NALCN: variants seen among roughly 807,000 people sequenced by gnomAD.
The protein encoded by NALCN is sodium leak channel, non-selective.
NALCN carries 111 observed loss-of-function variants against 225.3 expected under a neutral mutation model. That is an observed-to-expected ratio of 0.49 (90% CI 0.42 to 0.58). The LOEUF is 0.58. Among genes scored for constraint, NALCN ranks in the 20% least tolerant of loss-of-function variants. NALCN has a pLI of 0.00. For synonymous variants in NALCN, 764 were observed against 769.0 expected, an observed-to-expected ratio of 0.99 and a Z score of 0.11; for missense variants, 1,378 against 2,202.4, an observed-to-expected ratio of 0.63 and a Z score of 7.49.
intron 15 of NALCN, among the ~76,000 whole-genome samples, chr13:101,156,136 G>T (rs761760024): frequency 6.6e-6 from 1 of 152,110 alleles, no homozygotes; most frequent in Non-Finnish European, 1.5e-5. Context: ...GGCACTTTCA[G>T]TCGGCTTCTC....
intron 11 of NALCN, among the ~76,000 whole-genome samples, chr13:101,257,833 ATAAAAAT>A (rs905476014): frequency 1.3e-5 from 2 of 152,228 alleles, no homozygotes; most frequent in Non-Finnish European, 2.9e-5. Flanking sequence ...ATTGAAAGAA[ATAAAAAT>A]TAAAATATTT....
At chr13:101,144,419 T>C (rs1430744893) in intron 16 of NALCN, among the ~76,000 whole-genome samples, 1 of 152,190 alleles carries the variant, frequency 6.6e-6, no homozygotes, top group African/African-American at 2.4e-5. Context: ...GGGTCTGAGA[T>C]TGATGTCTAC....
rs563504539 is a variant in NALCN, at chr13:101,148,684, G to A, written c.1840-3788C>T. Among the ~76,000 whole-genome samples, 20 of 152,184 alleles carry A rather than the reference G, an allele frequency of 1.3e-4. 1 individual carries two copies. Among genetic ancestry groups the A allele is most frequent in the Non-Finnish European group, 2.4e-4 (16 of 68,038 alleles). The stretch of plus-strand genomic sequence containing the variant: ...CTCATTATTCCACGGGCAGTGGCTG[G>A]CATGGCACTGGACACAAGGTGAGCT... On this transcript the variant is annotated intron_variant, in intron 15 of 43. Coordinates refer to ENST00000251127, the MANE Select transcript of NALCN (RefSeq NM_052867.4).
At chr13:101,165,103 C>A (rs2038374198) in intron 15 of NALCN, among the ~76,000 whole-genome samples, 1 of 152,168 alleles carries the variant, frequency 6.6e-6, no homozygotes, top group Non-Finnish European at 1.5e-5. Flanking sequence ...TGCTTCCTAC[C>A]TATTGACTTC....
chr13:101,072,889 C>T (rs924346606), intron 37 of NALCN, among the ~76,000 whole-genome samples: 6 of 152,242 alleles, frequency 3.9e-5, no homozygotes, highest in Admixed American at 3.3e-4. Flanking sequence ...TAGTGGCTCC[C>T]GAATTGGACA....
chr13:101,373,415 A>G (rs1350453936), intron 6 of NALCN, among the ~76,000 whole-genome samples: 2 of 152,244 alleles, frequency 1.3e-5, no homozygotes, highest in African/African-American at 4.8e-5. Flanking sequence ...TAACAAAAAC[A>G]TTAGCAAATC....
Position 101,073,658 on chromosome 13 carries a change from C to A in NALCN, c.4123G>T (p.Ala1375Ser), listed in dbSNP as rs1011292242. ...AACAGTACGGTAATAGCTTTTCCAG[C>A]CGAAGAAAAATTTGCATGCCTAATT... Reference protein sequence around the residue: ...NINRHANFSSAGKAITVLFRI... With the variant: ...NINRHANFSSSGKAITVLFRI... The change falls in exon 37 of 44, where the codon GCT (alanine) becomes TCT (serine). Residue 1375 changes from alanine to serine, a missense_variant. Ala to Ser is a moderately conservative substitution (Grantham distance 99). Around this residue, in one of 19 missense-constraint regions of NALCN, gnomAD observed 76 missense variants for 118.7 expected, o/e 0.64. Transcript: ENST00000251127. 12 of 1,612,098 alleles carry A rather than the reference C, an allele frequency of 7.4e-6. No individual in the cohort carries two copies. Among genetic ancestry groups the A allele is most frequent in the Non-Finnish European group, 1.0e-5 (12 of 1,179,430 alleles).
At chr13:101,312,725 A>T (rs1444873375) in intron 7 of NALCN, among the ~76,000 whole-genome samples, 1 of 152,090 alleles carries the variant, frequency 6.6e-6, no homozygotes, top group Non-Finnish European at 1.5e-5. Context: ...GGTCTGAGAG[A>T]CAGTTTGTTA....
intron 12 of NALCN, among the ~76,000 whole-genome samples, chr13:101,236,030 T>C (rs1165074816): frequency 1.1e-4 from 17 of 152,344 alleles, no homozygotes; most frequent in Non-Finnish European, 2.9e-5. Flanking sequence ...TTCCCAAATA[T>C]TTAACAATAT....
At chr13:101,201,854 C>G (rs2140042493) in intron 13 of NALCN, among the ~76,000 whole-genome samples, 1 of 152,180 alleles carries the variant, frequency 6.6e-6, no homozygotes, top group South Asian at 2.1e-4. Flanking sequence ...AAAAAAGTTG[C>G]TTTCAAAATA....
rs74120405 is a variant in NALCN, at chr13:101,214,919, G to A, written c.1626+14474C>T. 3.9e-3 allele frequency among the ~76,000 whole-genome samples: 591 copies of A among 152,238 alleles called. 7 individuals are homozygous for A. Among genetic ancestry groups the A allele is most frequent in the African/African-American group, 0.014 (565 of 41,540 alleles). On this transcript the variant is annotated intron_variant, in intron 13 of 43. Coordinates refer to ENST00000251127, the MANE Select transcript of NALCN (RefSeq NM_052867.4). Reference sequence around the variant, plus strand: ...CTTGGGCACTCACATATGGAACCACGTTATGACACAGCTGGCATATGATGC... The same window carrying A: ...CTTGGGCACTCACATATGGAACCACATTATGACACAGCTGGCATATGATGC...
intron 7 of NALCN, among the ~76,000 whole-genome samples, chr13:101,300,410 CCTTT>C (rs1296086009): frequency 5.4e-5 from 8 of 147,226 alleles, no homozygotes; most frequent in Admixed American, 1.4e-4. Context: ...CTCCTTCCTT[CCTTT>C]CTTTCTCTTT....
chr13:101,087,652 C>A (rs928416916), intron 30 of NALCN, among the ~76,000 whole-genome samples: 1 of 152,146 alleles, frequency 6.6e-6, no homozygotes, highest in Non-Finnish European at 1.5e-5. Flanking sequence ...CGCCCCAGAT[C>A]CCCCAAACAG....
chr13:101,351,074 C>A (rs970318087), intron 6 of NALCN, among the ~76,000 whole-genome samples: 3 of 151,820 alleles, frequency 2.0e-5, no homozygotes, highest in African/African-American at 7.3e-5. Flanking sequence ...TCTGGAGAAA[C>A]CTAATATATA....
At chr13:101,086,558 A>T (rs186744085) in intron 30 of NALCN, among the ~76,000 whole-genome samples, 92 of 152,134 alleles carry the variant, frequency 6.0e-4, no homozygotes, top group African/African-American at 2.1e-3. Context: ...GCCTTCTGGG[A>T]GACACATTTT....
At chr13:101,324,941 A>G (rs1201838683) in intron 7 of NALCN, among the ~76,000 whole-genome samples, 2 of 152,096 alleles carry the variant, frequency 1.3e-5, no homozygotes, top group African/African-American at 4.8e-5. Flanking sequence ...TTATTTTGAG[A>G]TACGTCCCAT....
chr13:101,186,589 C>A (rs2039457525), intron 14 of NALCN, among the ~76,000 whole-genome samples: 1 of 151,978 alleles, frequency 6.6e-6, no homozygotes, highest in Non-Finnish European at 1.5e-5. Flanking sequence ...AAGTGATAAT[C>A]TTTGTTTTAA....
At chr13:101,192,335 T>C (rs1178605458) in intron 13 of NALCN, among the ~76,000 whole-genome samples, 2 of 152,174 alleles carry the variant, frequency 1.3e-5, no homozygotes, top group African/African-American at 2.4e-5. Flanking sequence ...AAATTCAAGA[T>C]CTTTGGTTTT....
At chr13:101,186,242 G>C (rs1474479481) in intron 14 of NALCN, among the ~76,000 whole-genome samples, 3 of 152,214 alleles carry the variant, frequency 2.0e-5, no homozygotes, top group Non-Finnish European at 4.4e-5. Flanking sequence ...CTTACCATTT[G>C]CATCTTTAGG....
Sources: gnomAD v4.1 joint callset for allele counts (sites outside exome capture counted in the v4.1 genomes callset) on GRCh38, gnomAD v4.1.1 for gene constraint, gnomAD v4.1.1 regional missense constraint, MANE v1.5 for transcripts, NCBI Gene and HGNC (gene_info 2026-07-23, HGNC 2026-07-21) for gene names.